LGR6: variants seen among roughly 807,000 people sequenced by gnomAD.
LGR6 encodes leucine rich repeat containing G protein-coupled receptor 6.
In LGR6, 45 loss-of-function variants were observed where a neutral mutation model predicts 69.4. The ratio of observed to expected loss-of-function variants is 0.65; its 90% CI spans 0.51 to 0.83. The LOEUF (loss-of-function observed/expected upper bound fraction) is 0.83, where lower values mean the gene tolerates loss of function less well. LGR6 is among the 40% of genes least tolerant of loss of function. The pLI, the probability that LGR6 is intolerant of heterozygous loss-of-function variation, is 0.00. For missense variants in LGR6, 1,108 were observed against 1,246.7 expected (o/e 0.89, Z 1.68); for synonymous variants, 538 against 555.0 (o/e 0.97, Z 0.43).
At chr1:202,235,631 C>T (rs981230444) in intron 3 of LGR6, among the ~76,000 whole-genome samples, 17 of 152,178 alleles carry the variant, frequency 1.1e-4, no homozygotes, top group African/African-American at 3.6e-4. Flanking sequence ...GTCTTCTCTC[C>T]TTCCTCTCCA....
intron 7 of LGR6, among the ~76,000 whole-genome samples, chr1:202,299,564 CT>C (rs1384277946): frequency 1.3e-5 from 2 of 152,202 alleles, no homozygotes; most frequent in African/African-American, 2.4e-5. Flanking sequence ...GACAGGGCCC[CT>C]GTCTTAGAAA....
At chr1:202,312,225 G>A (rs1562962) in intron 16 of LGR6, among the ~76,000 whole-genome samples, 1 of 152,192 alleles carries the variant, frequency 6.6e-6, no homozygotes, top group Non-Finnish European at 1.5e-5. Context: ...AGCCAGATTC[G>A]ATTTCCTCCT....
intron 10 of LGR6, 120 bp from the exon 11 acceptor site, chr1:202,304,439 T>C: frequency 1.8e-6 from 1 of 567,178 alleles, no homozygotes; most frequent in Non-Finnish European, 3.0e-6. Flanking sequence ...TCTCCCTCCA[T>C]TTCTCTCTTT....
At chr1:202,298,288 C>A (rs1420856570) in intron 7 of LGR6, among the ~76,000 whole-genome samples, 2 of 152,026 alleles carry the variant, frequency 1.3e-5, no homozygotes, top group African/African-American at 4.8e-5. Context: ...AAGGGATGAC[C>A]GGGATTGAGG....
At chr1:202,238,085 GTTTTGTTTTTGT>G (rs200086385) in intron 4 of LGR6, among the ~76,000 whole-genome samples, 28 of 150,656 alleles carry the variant, frequency 1.9e-4, no homozygotes, top group East Asian at 5.8e-4. Flanking sequence ...TTTTTGTTTT[GTTTTGTTTTTGT>G]TTTTGTTTTT....
At chr1:202,214,145 AG>A in intron 1 of LGR6, 1 of 1,493,750 alleles carries the variant, frequency 6.7e-7, no homozygotes. Flanking sequence ...TCGAGGTCCC[AG>A]GGGCCGGAAT....
chr1:202,206,179 T>C (rs1018244468), intron 1 of LGR6, among the ~76,000 whole-genome samples: 1 of 152,262 alleles, frequency 6.6e-6, no homozygotes, highest in Non-Finnish European at 1.5e-5. Context: ...AGTTAGGGGC[T>C]GTAAACTAAT....
chr1:202,194,705 C>CGGGGGG, intron 1 of LGR6: 1 of 198,788 alleles, frequency 5.0e-6, no homozygotes, highest in Non-Finnish European at 9.4e-6. Flanking sequence ...TTCGTGGGGG[C>CGGGGGG]GGGGGGGGCG....
intron 3 of LGR6, among the ~76,000 whole-genome samples, chr1:202,231,647 A>G (rs1271441686): frequency 6.6e-6 from 1 of 152,232 alleles, no homozygotes; most frequent in African/African-American, 2.4e-5. Context: ...ATTTTTAGCT[A>G]TGGAAACTTA....
At chr1:202,198,396 A>T (rs941626871) in intron 1 of LGR6, among the ~76,000 whole-genome samples, 1 of 152,208 alleles carries the variant, frequency 6.6e-6, no homozygotes, top group Non-Finnish European at 1.5e-5. Flanking sequence ...CACTTAGATG[A>T]TGTTTGCAAA....
At chr1:202,236,088 A>G in intron 4 of LGR6, 95 bp downstream of exon 4, 1 of 984,986 alleles carries the variant, frequency 1.0e-6, no homozygotes, top group Non-Finnish European at 1.6e-6. Flanking sequence ...TTCCCTCTGC[A>G]GGCGCCCCCT....
intron 5 of LGR6, among the ~76,000 whole-genome samples, chr1:202,278,035 A>C (rs1419525325): frequency 1.3e-5 from 2 of 152,144 alleles, no homozygotes. Flanking sequence ...GGAAAGGTGC[A>C]TGTCGGGACT....
intron 4 of LGR6, among the ~76,000 whole-genome samples, chr1:202,251,918 A>C (rs1663287233): frequency 6.6e-6 from 1 of 151,844 alleles, no homozygotes; most frequent in Non-Finnish European, 1.5e-5. Context: ...CTGTTGAGGG[A>C]GGGGCCAGAC....
At chr1:202,219,043 A>T (rs1659973655) in intron 1 of LGR6, among the ~76,000 whole-genome samples, 1 of 152,190 alleles carries the variant, frequency 6.6e-6, no homozygotes, top group Non-Finnish European at 1.5e-5. Flanking sequence ...CTGGCCGGGA[A>T]CTTAGCATTC....
chr1:202,253,383 A>G (rs898572882), intron 4 of LGR6, among the ~76,000 whole-genome samples: 8 of 151,790 alleles, frequency 5.3e-5, no homozygotes, highest in Non-Finnish European at 8.8e-5. Context: ...GCTCACTGCA[A>G]TCTCCGCCTC....
intron 1 of LGR6, among the ~76,000 whole-genome samples, chr1:202,220,959 A>G (rs1660117864): frequency 6.6e-6 from 1 of 152,356 alleles, no homozygotes; most frequent in Admixed American, 6.5e-5. Flanking sequence ...CTCACAATGT[A>G]TACAGAGATT....
intron 4 of LGR6, among the ~76,000 whole-genome samples, chr1:202,267,396 G>C (rs886814843): frequency 6.6e-5 from 10 of 152,164 alleles, no homozygotes; most frequent in Admixed American, 3.9e-4. Context: ...TTTGGCTACA[G>C]CCCCAGTTTT....
intron 3 of LGR6, among the ~76,000 whole-genome samples, chr1:202,232,856 A>G (rs532037953): frequency 2.6e-5 from 4 of 152,326 alleles, no homozygotes; most frequent in African/African-American, 9.6e-5. Flanking sequence ...TTTGTAACTT[A>G]GGGCAAGTTA....
At chr1:202,300,373 G>T (rs1185717303) in intron 7 of LGR6, among the ~76,000 whole-genome samples, 1 of 152,204 alleles carries the variant, frequency 6.6e-6, no homozygotes, top group Non-Finnish European at 1.5e-5. Context: ...AGAAAAATCA[G>T]CTGGGTGCAG....
Sources: gnomAD v4.1 joint callset for allele counts (sites outside exome capture counted in the v4.1 genomes callset) on GRCh38, gnomAD v4.1.1 for gene constraint, MANE v1.5 for transcripts, NCBI Gene and HGNC (gene_info 2026-07-23, HGNC 2026-07-21) for gene names.